Variants in CNTNAP5 observed in about 807,000 individuals in gnomAD.
The protein encoded by CNTNAP5 is contactin-associated protein-like 5.
A neutral mutation model predicts 150.2 loss-of-function variants in CNTNAP5; 72 were observed. The observed-to-expected ratio is 0.48, with a 90% CI of 0.40 to 0.58. The LOEUF is 0.58. CNTNAP5 is among the 20% of genes least tolerant of loss of function. CNTNAP5 has a pLI of 0.00. For synonymous variants in CNTNAP5, 672 were observed against 619.8 expected, an observed-to-expected ratio of 1.08 and a Z score of -1.25; for missense variants, 1,636 against 1,626.2, an observed-to-expected ratio of 1.01 and a Z score of -0.10.
At chr2:124,081,489 C>T (rs1490369946) in intron 1 of CNTNAP5, among the ~76,000 whole-genome samples, 2 of 152,146 alleles carry the variant, frequency 1.3e-5, no homozygotes, top group Admixed American at 6.6e-5. Context: ...ATTGTGGAAG[C>T]TTCTCTAAGG....
intron 3 of CNTNAP5, among the ~76,000 whole-genome samples, chr2:124,297,681 C>T (rs993967057): frequency 1.3e-5 from 2 of 151,976 alleles, no homozygotes; most frequent in Non-Finnish European, 2.9e-5. Context: ...TATAGTCTGC[C>T]TTCAAAGGTC....
chr2:124,637,050 G>A (rs1363496303), intron 12 of CNTNAP5, among the ~76,000 whole-genome samples: 1 of 152,072 alleles, frequency 6.6e-6, no homozygotes, highest in Non-Finnish European at 1.5e-5. Flanking sequence ...TATGTAACCA[G>A]ACATAAGAAA....
At chr2:124,440,709 T>G (rs910096267) in intron 5 of CNTNAP5, among the ~76,000 whole-genome samples, 3 of 152,164 alleles carry the variant, frequency 2.0e-5, no homozygotes, top group African/African-American at 7.2e-5. Context: ...TATTTTGTTT[T>G]AACTATATTT....
chr2:124,553,258 C>G (rs1695671706), intron 10 of CNTNAP5, among the ~76,000 whole-genome samples: 9 of 152,102 alleles, frequency 5.9e-5, no homozygotes. Flanking sequence ...AATCCCAGTA[C>G]TTTGGGAGGC....
intron 3 of CNTNAP5, among the ~76,000 whole-genome samples, chr2:124,395,606 G>C (rs1359566697): frequency 6.6e-6 from 1 of 152,038 alleles, no homozygotes; most frequent in Non-Finnish European, 1.5e-5. Context: ...AATAACAGTA[G>C]TTAACACTTA....
intron 5 of CNTNAP5, among the ~76,000 whole-genome samples, chr2:124,443,791 G>A (rs1044448510): frequency 3.3e-5 from 5 of 149,814 alleles, no homozygotes; most frequent in South Asian, 4.3e-4. Flanking sequence ...AAATAAGTTG[G>A]GGAAAGGGTG....
intron 12 of CNTNAP5, among the ~76,000 whole-genome samples, chr2:124,647,281 C>T (rs1450555597): frequency 6.6e-6 from 1 of 152,074 alleles, no homozygotes; most frequent in African/African-American, 2.4e-5. Context: ...ACAATCTCAA[C>T]CTTGTTCTCT....
chr2:124,706,856 G>GA (rs1467062656), intron 13 of CNTNAP5, among the ~76,000 whole-genome samples: 283 of 22,712 alleles, frequency 0.012, 29 homozygotes, highest in African/African-American at 0.051. Flanking sequence ...GGAGGAGGAG[G>GA]AGAAGGAGAA....
At chr2:124,646,400 G>A (rs556188515) in intron 12 of CNTNAP5, among the ~76,000 whole-genome samples, 1 of 152,070 alleles carries the variant, frequency 6.6e-6, no homozygotes, top group African/African-American at 2.4e-5. Context: ...GATGTGCCTC[G>A]GGTCATTTCT....
intron 6 of CNTNAP5, among the ~76,000 whole-genome samples, chr2:124,460,229 A>C (rs751719790): frequency 1.3e-5 from 2 of 152,200 alleles, no homozygotes; most frequent in Admixed American, 1.3e-4. Context: ...AGCAAGAGGT[A>C]AGTTAGAATC....
chr2:124,448,233 A>G (rs1396252201), intron 6 of CNTNAP5, among the ~76,000 whole-genome samples: 3 of 151,402 alleles, frequency 2.0e-5, no homozygotes, highest in Non-Finnish European at 2.9e-5. Flanking sequence ...GTGCCAATGC[A>G]CTCCAGCCCG....
chr2:124,613,715 G>GT (rs1677434423), intron 12 of CNTNAP5, among the ~76,000 whole-genome samples: 2 of 152,312 alleles, frequency 1.3e-5, no homozygotes, highest in South Asian at 4.1e-4. Context: ...CCTGGGAGAT[G>GT]TAAGTCTGTG....
intron 3 of CNTNAP5, among the ~76,000 whole-genome samples, chr2:124,410,527 A>G (rs1224118846): frequency 1.4e-5 from 2 of 143,032 alleles, no homozygotes; most frequent in African/African-American, 5.0e-5. Context: ...ATAACAAACT[A>G]TCTCTCAGAC....
intron 13 of CNTNAP5, among the ~76,000 whole-genome samples, chr2:124,664,933 C>T (rs1290998064): frequency 2.0e-5 from 3 of 152,170 alleles, no homozygotes; most frequent in Non-Finnish European, 4.4e-5. Flanking sequence ...GTGATCCACC[C>T]GCCTTGGCCT....
intron 4 of CNTNAP5, among the ~76,000 whole-genome samples, chr2:124,427,833 C>A (rs1461458365): frequency 2.0e-5 from 3 of 152,110 alleles, no homozygotes; most frequent in Admixed American, 6.5e-5. Context: ...GTTGAATCCC[C>A]ACTGCCCTTG....
At chr2:124,468,009 G>A (rs969690567) in intron 6 of CNTNAP5, among the ~76,000 whole-genome samples, 6 of 152,192 alleles carry the variant, frequency 3.9e-5, no homozygotes, top group Admixed American at 6.5e-5. Context: ...GATCACTAAT[G>A]GGGTGGTTTG....
chr2:124,628,840 A>G (rs1677785485), intron 12 of CNTNAP5, among the ~76,000 whole-genome samples: 1 of 152,218 alleles, frequency 6.6e-6, no homozygotes, highest in Admixed American at 6.5e-5. Flanking sequence ...AAAGATGCAC[A>G]TAGAATCATA....
chr2:124,478,774 T>C (rs1693700614), intron 7 of CNTNAP5, among the ~76,000 whole-genome samples: 2 of 152,312 alleles, frequency 1.3e-5, no homozygotes, highest in African/African-American at 4.8e-5. Flanking sequence ...GTTCGCAGAC[T>C]CTCTTACAGT....
chr2:124,869,741 C>G lies in CNTNAP5; in HGVS notation c.3415C>G (p.Leu1139Val), dbSNP rs751591690. ...PEVEFRVIRS[L>V]TLGKVTENLG... Reference sequence around the variant, plus strand: ...AGTAGAGTTCAGGGTTATAAGGTCACTCACCTTGGGCAAAGTCACAGGTAT... The same window carrying G: ...AGTAGAGTTCAGGGTTATAAGGTCAGTCACCTTGGGCAAAGTCACAGGTAT... Residue 1139 changes from leucine to valine, a missense_variant, in exon 21 of 24, where the codon CTC becomes GTC. Physicochemically the swap from Leu to Val is conservative, Grantham distance 32. Coordinates refer to ENST00000682447, the MANE Select transcript of CNTNAP5 (RefSeq NM_001367498.1). 1.2e-6 allele frequency: 2 copies of G among 1,610,778 alleles called. No individual in the cohort carries two copies. Among genetic ancestry groups the G allele is most frequent in the Non-Finnish European group, 1.7e-6 (2 of 1,177,498 alleles).
Sources: allele counts gnomAD v4.1 joint callset (sites outside exome capture counted in the v4.1 genomes callset), GRCh38; gene constraint gnomAD v4.1.1; transcripts MANE v1.5; gene names NCBI Gene and HGNC (gene_info 2026-07-23, HGNC 2026-07-21).